SLCO3A1: variants seen among roughly 807,000 people sequenced by gnomAD.
SLCO3A1 encodes the protein solute carrier organic anion transporter family member 3A1, also known as PGE1 transporter.
A neutral mutation model predicts 63.1 loss-of-function variants in SLCO3A1; 27 were observed. The observed-to-expected ratio is 0.43, with a 90% CI of 0.32 to 0.59. The LOEUF is 0.59. Among genes scored for constraint, SLCO3A1 ranks in the 20% least tolerant of loss-of-function variants. The pLI is 0.09. For synonymous variants in SLCO3A1, 473 were observed against 409.9 expected, an observed-to-expected ratio of 1.15 and a Z score of -1.86; for missense variants, 773 against 945.8, an observed-to-expected ratio of 0.82 and a Z score of 2.40.
intron 2 of SLCO3A1, among the ~76,000 whole-genome samples, chr15:92,078,899 C>G (rs753525715): frequency 6.6e-6 from 1 of 152,210 alleles, no homozygotes; most frequent in Non-Finnish European, 1.5e-5. Context: ...AGCTCTGGCC[C>G]TACGCTATGA....
chr15:91,984,882 TTTTGGTGTTG>T (rs1283559404), intron 2 of SLCO3A1, among the ~76,000 whole-genome samples: 2 of 152,224 alleles, frequency 1.3e-5, no homozygotes, highest in African/African-American at 4.8e-5. Context: ...CCCTGCCATT[TTTTGGTGTTG>T]TGTTTGTATT....
chr15:92,115,401 G>T (rs149656890), intron 4 of SLCO3A1, among the ~76,000 whole-genome samples: 7 of 152,104 alleles, frequency 4.6e-5, no homozygotes, highest in Non-Finnish European at 7.4e-5. Flanking sequence ...GCAGCAAGTC[G>T]TGTATCCCCA....
intron 1 of SLCO3A1, among the ~76,000 whole-genome samples, chr15:91,902,288 C>T (rs1268570063): frequency 6.6e-6 from 1 of 152,062 alleles, no homozygotes; most frequent in Admixed American, 6.6e-5. Flanking sequence ...CCTCAAACTC[C>T]TAGGCTCAAG....
At chr15:91,978,142 G>C (rs1901190137) in intron 2 of SLCO3A1, among the ~76,000 whole-genome samples, 1 of 152,148 alleles carries the variant, frequency 6.6e-6, no homozygotes, top group Non-Finnish European at 1.5e-5. Context: ...GGTAGACCTA[G>C]GACTAGGAAC....
chr15:91,920,531 C>G (rs1249380989), intron 2 of SLCO3A1, among the ~76,000 whole-genome samples: 1 of 152,176 alleles, frequency 6.6e-6, no homozygotes, highest in East Asian at 1.9e-4. Flanking sequence ...AAAGAGGTTG[C>G]ACCCCTGTTT....
intron 2 of SLCO3A1, among the ~76,000 whole-genome samples, chr15:91,926,553 C>A (rs1440643945): frequency 2.6e-5 from 2 of 75,814 alleles, no homozygotes; most frequent in African/African-American, 1.4e-4. Flanking sequence ...TCATTCCTGC[C>A]AAGCCGTGTG....
intron 2 of SLCO3A1, among the ~76,000 whole-genome samples, chr15:92,021,423 C>CTGA (rs530313458): frequency 1.1e-3 from 161 of 152,268 alleles, no homozygotes; most frequent in Non-Finnish European, 1.9e-3. Context: ...GAGTAAATAG[C>CTGA]TGATGGGTGA....
rs539319049 is a variant in SLCO3A1 at position 91,856,704 on chromosome 15, C to A, written c.180+2616C>A. Among the ~76,000 whole-genome samples the A allele has an allele frequency of 1.6e-4, 25 of 152,272 alleles. No individual in the cohort carries two copies. The South Asian group carries it at 5.0e-3, about 30-fold the overall frequency. On this transcript the variant is annotated intron_variant, in intron 1 of 9. Transcript: ENST00000318445. The surrounding 1 kb of genome is among the most constrained non-coding windows in gnomAD (Gnocchi z 4.9). Reference sequence around the variant, plus strand: ...GCGTTATACGTGATCCTTACCTTGGCAATCAGCCTGCCTCTCTAATGAGGC... The same window carrying A: ...GCGTTATACGTGATCCTTACCTTGGAAATCAGCCTGCCTCTCTAATGAGGC...
intron 2 of SLCO3A1, among the ~76,000 whole-genome samples, chr15:92,001,853 T>G (rs867052179): frequency 4.0e-4 from 51 of 126,658 alleles, no homozygotes; most frequent in South Asian, 1.8e-3. Context: ...TTTTTTTTTT[T>G]GAGACGGAGT....
downstream of SLCO3A1, among the ~76,000 whole-genome samples, chr15:92,169,592 G>A (rs1231406628): frequency 1.4e-5 from 2 of 145,904 alleles, no homozygotes; most frequent in East Asian, 2.1e-4. Context: ...GACTCCTAGT[G>A]CATTCCGAAA....
At chr15:91,908,757 T>TAA (rs543497302) in intron 1 of SLCO3A1, 17 of 128,492 alleles carry the variant, frequency 1.3e-4, no homozygotes, top group Non-Finnish European at 1.3e-4. Context: ...TTAATGGAAT[T>TAA]AAAAAAAAAA....
At chr15:92,082,850 G>A (rs1255656520) in intron 2 of SLCO3A1, among the ~76,000 whole-genome samples, 1 of 152,164 alleles carries the variant, frequency 6.6e-6, no homozygotes, top group Admixed American at 6.5e-5. Flanking sequence ...CTAGGAACTA[G>A]GTCCCGGAGT....
chr15:92,135,010 G>A (rs1453956670), intron 7 of SLCO3A1, among the ~76,000 whole-genome samples: 1 of 152,218 alleles, frequency 6.6e-6, no homozygotes, highest in Non-Finnish European at 1.5e-5. Flanking sequence ...AGGAGTTGGA[G>A]GGGGAGACGT....
intron 1 of SLCO3A1, among the ~76,000 whole-genome samples, chr15:91,913,044 C>T (rs1237817244): frequency 6.6e-6 from 1 of 152,192 alleles, no homozygotes; most frequent in Non-Finnish European, 1.5e-5. Flanking sequence ...TTTTTACTTG[C>T]CCAGACCCTT....
At chr15:92,028,037 C>T (rs546538594) in intron 2 of SLCO3A1, among the ~76,000 whole-genome samples, 3 of 152,276 alleles carry the variant, frequency 2.0e-5, no homozygotes, top group South Asian at 2.1e-4. Flanking sequence ...GAATTTCTGC[C>T]GAGACTTAGC....
downstream of SLCO3A1, among the ~76,000 whole-genome samples, chr15:92,167,091 T>G (rs186179623): frequency 2.6e-5 from 4 of 152,360 alleles, no homozygotes; most frequent in African/African-American, 9.6e-5. Flanking sequence ...TGCTTGAATA[T>G]TTTATTTGAT....
intron 2 of SLCO3A1, among the ~76,000 whole-genome samples, chr15:91,939,153 A>G (rs1899525040): frequency 6.6e-6 from 1 of 152,128 alleles, no homozygotes; most frequent in African/African-American, 2.4e-5. Context: ...GCTTCTGGGG[A>G]GGCCTCTGGG....
intron 2 of SLCO3A1, among the ~76,000 whole-genome samples, chr15:91,919,043 T>A (rs914128952): frequency 6.6e-6 from 1 of 152,152 alleles, no homozygotes. Flanking sequence ...TCCCTTTGGG[T>A]GTCAGCAGGG....
intron 2 of SLCO3A1, among the ~76,000 whole-genome samples, chr15:92,019,528 G>T (rs1188898209): frequency 6.6e-6 from 1 of 152,220 alleles, no homozygotes. Flanking sequence ...GGTGTTTAAG[G>T]TACGACACAC....
Sources: allele counts gnomAD v4.1 joint callset (sites outside exome capture counted in the v4.1 genomes callset), GRCh38; gene constraint gnomAD v4.1.1; non-coding constraint Gnocchi (gnomAD v3.1); transcripts MANE v1.5; gene names NCBI Gene and HGNC (gene_info 2026-07-23, HGNC 2026-07-21).